Variants in ASTN2 observed in about 807,000 individuals in gnomAD.
ASTN2 encodes astrotactin 2.
In ASTN2, 54 loss-of-function variants were observed where a neutral mutation model predicts 139.8. That is an observed-to-expected ratio of 0.39 (90% CI 0.31 to 0.48). The LOEUF (loss-of-function observed/expected upper bound fraction) is 0.48, where lower values mean the gene tolerates loss of function less well. Ranked by LOEUF, ASTN2 falls within the 20% of genes least tolerant of loss-of-function variation. The pLI, the probability that ASTN2 is intolerant of heterozygous loss-of-function variation, is 0.95. For synonymous variants in ASTN2, 756 were observed against 719.5 expected, an observed-to-expected ratio of 1.05 and a Z score of -0.81; for missense variants, 1,565 against 1,725.1, an observed-to-expected ratio of 0.91 and a Z score of 1.64.
At chr9:116,593,036 G>A (rs1312495461) in intron 19 of ASTN2, among the ~76,000 whole-genome samples, 2 of 152,228 alleles carry the variant, frequency 1.3e-5, no homozygotes, top group Non-Finnish European at 2.9e-5. Context: ...GGCAGATGTG[G>A]CAACACAAAT....
intron 12 of ASTN2, among the ~76,000 whole-genome samples, chr9:116,813,901 T>C (rs2132259345): frequency 6.6e-6 from 1 of 151,928 alleles, no homozygotes; most frequent in East Asian, 1.9e-4. Flanking sequence ...CTGGGTGTGG[T>C]GGTGAGCGCC....
intron 5 of ASTN2, among the ~76,000 whole-genome samples, chr9:117,080,547 G>A (rs1828399808): frequency 6.6e-6 from 1 of 152,180 alleles, no homozygotes; most frequent in African/African-American, 2.4e-5. Flanking sequence ...ATAAGAAAGA[G>A]TGTGCAGGAA....
intron 17 of ASTN2, among the ~76,000 whole-genome samples, chr9:116,643,420 AG>A (rs1722706946): frequency 6.6e-6 from 1 of 152,214 alleles, no homozygotes; most frequent in Non-Finnish European, 1.5e-5. Context: ...GCAGGAAAGC[AG>A]TTATAGATGA....
chr9:116,662,450 G>A (rs1286949179), intron 16 of ASTN2, among the ~76,000 whole-genome samples: 2 of 151,972 alleles, frequency 1.3e-5, no homozygotes, highest in African/African-American at 2.4e-5. Flanking sequence ...GTGGGCACCT[G>A]TAATCCCAGA....
At chr9:117,304,144 A>G (rs909047782) in intron 1 of ASTN2, among the ~76,000 whole-genome samples, 7 of 152,210 alleles carry the variant, frequency 4.6e-5, no homozygotes, top group African/African-American at 1.4e-4. Flanking sequence ...GAAGTGCCCA[A>G]CTAAGCTCAG....
chr9:116,425,338 AAG>A lies in ASTN2; in HGVS notation c.*511_*512del. ...ACAAACTCAATAATGTCCAGCAAAA[AAG>A]AGAGAGAAGTCCTTAAAGACCCATG... On this transcript the variant is annotated 3_prime_UTR_variant, in exon 23 of 23. Transcript: ENST00000313400. 1 of 541,834 alleles carries A rather than the reference AAG, an allele frequency of 1.8e-6. No individual in the cohort carries two copies. Among genetic ancestry groups the A allele is most frequent in the Non-Finnish European group, 3.3e-6 (1 of 303,778 alleles). The allele number at this position is 541,834 out of a possible 1,614,324, so 33.6% of individuals were successfully genotyped here.
At chr9:116,970,278 A>G (rs2132517459) in intron 10 of ASTN2, among the ~76,000 whole-genome samples, 1 of 152,294 alleles carries the variant, frequency 6.6e-6, no homozygotes, top group South Asian at 2.1e-4. Context: ...ACCTTTGGGG[A>G]TCATTATCAG....
At chr9:117,116,224 T>C (rs1001201928) in intron 4 of ASTN2, among the ~76,000 whole-genome samples, 3 of 151,998 alleles carry the variant, frequency 2.0e-5, no homozygotes, top group Non-Finnish European at 2.9e-5. Context: ...GGATGTGAGA[T>C]TAGGGTTGTG....
intron 15 of ASTN2, 75 bp from the exon 16 acceptor site, chr9:116,726,025 G>T: frequency 6.9e-7 from 1 of 1,448,948 alleles, no homozygotes; most frequent in Non-Finnish European, 9.3e-7. Context: ...GGTGGCAGGA[G>T]TTCTTCCCAA....
intron 16 of ASTN2, among the ~76,000 whole-genome samples, chr9:116,712,771 T>C (rs1257633545): frequency 2.0e-5 from 3 of 152,218 alleles, no homozygotes; most frequent in Admixed American, 2.0e-4. Flanking sequence ...AATGTCACCA[T>C]TGGAAGAGAA....
chr9:116,887,578 G>A (rs192087357), intron 10 of ASTN2, among the ~76,000 whole-genome samples: 1 of 152,254 alleles, frequency 6.6e-6, no homozygotes, highest in East Asian at 1.9e-4. Flanking sequence ...TAAGAATTTT[G>A]AGTTTTACTA....
chr9:116,524,691 G>A (rs934543116), intron 19 of ASTN2, among the ~76,000 whole-genome samples: 1 of 152,182 alleles, frequency 6.6e-6, no homozygotes, highest in Non-Finnish European at 1.5e-5. Flanking sequence ...CCTGTACAAT[G>A]TTGAAAACTT....
intron 19 of ASTN2, among the ~76,000 whole-genome samples, chr9:116,517,793 T>C (rs1850712198): frequency 1.3e-5 from 2 of 152,052 alleles, no homozygotes; most frequent in Non-Finnish European, 1.5e-5. Flanking sequence ...TTCAGTGAGA[T>C]ACACAGCATA....
At chr9:116,689,047 G>GATTAAAC (rs1012731293) in intron 16 of ASTN2, among the ~76,000 whole-genome samples, 2 of 152,098 alleles carry the variant, frequency 1.3e-5, no homozygotes, top group Non-Finnish European at 2.9e-5. Context: ...CAAGTGGGTA[G>GATTAAAC]ATTAAACATT....
rs76187873 is a variant in ASTN2, at chr9:116,960,976, G to A, written c.1889+14232C>T. Among the ~76,000 whole-genome samples, 740 of 151,316 alleles carry A rather than the reference G, an allele frequency of 4.9e-3. 5 individuals carry two copies. Among genetic ancestry groups the A allele is most frequent in the Non-Finnish European group, 8.0e-3 (541 of 67,900 alleles). On this transcript the variant is annotated intron_variant, in intron 10 of 22. Coordinates refer to ENST00000313400, the MANE Select transcript of ASTN2 (RefSeq NM_001365068.1). ...CATTTCAATACAGTTAACTCAGTCC[G>A]GTCACACCTAGGAGGAGACTGCAGG...
At chr9:116,565,387 C>CTCTCTCTCTCTCTCTCTCTCT (rs1491583433) in intron 19 of ASTN2, among the ~76,000 whole-genome samples, 4 of 42,096 alleles carry the variant, frequency 9.5e-5, no homozygotes, top group Admixed American at 7.0e-4. Context: ...CTCTCTCTCT[C>CTCTCTCTCTCTCTCTCTCTCT]CATATATATA....
At chr9:117,352,206 T>G (rs1829413160) in intron 1 of ASTN2, among the ~76,000 whole-genome samples, 1 of 152,184 alleles carries the variant, frequency 6.6e-6, no homozygotes, top group African/African-American at 2.4e-5. Flanking sequence ...ATTTCTAATC[T>G]GGCCCAAGAA....
chr9:117,272,185 C>A (rs904760401), intron 2 of ASTN2, among the ~76,000 whole-genome samples: 1 of 152,248 alleles, frequency 6.6e-6, no homozygotes, highest in Non-Finnish European at 1.5e-5. Flanking sequence ...TGTGCACCTG[C>A]AGGCTAAACA....
At chr9:117,370,583 GCTC>G (rs1829964491) in intron 1 of ASTN2, among the ~76,000 whole-genome samples, 1 of 152,124 alleles carries the variant, frequency 6.6e-6, no homozygotes, top group African/African-American at 2.4e-5. Flanking sequence ...TACTATTATA[GCTC>G]CTATTTTATT....
Sources: allele counts gnomAD v4.1 joint callset (sites outside exome capture counted in the v4.1 genomes callset), GRCh38; gene constraint gnomAD v4.1.1; transcripts MANE v1.5; gene names NCBI Gene and HGNC (gene_info 2026-07-23, HGNC 2026-07-21).